Variants in PTPN13 observed in about 807,000 individuals in gnomAD.
The protein encoded by PTPN13 is tyrosine-protein phosphatase non-receptor type 13.
In PTPN13, 191 loss-of-function variants were observed where a neutral mutation model predicts 284.0. The observed-to-expected ratio is 0.67, with a 90% confidence interval of 0.60 to 0.76. PTPN13 has a LOEUF of 0.76. Ranked by LOEUF, PTPN13 falls within the 30% of genes least tolerant of loss-of-function variation. The probability of loss-of-function intolerance (pLI) is 0.00; values close to 1 mark genes in which losing one functional copy is unlikely to be tolerated. For synonymous variants in PTPN13, 986 were observed against 1,022.3 expected, an observed-to-expected ratio of 0.96 and a Z score of 0.68; for missense variants, 2,797 against 2,939.9, an observed-to-expected ratio of 0.95 and a Z score of 1.12.
At chr4:86,759,277 T>A (rs532894891) in intron 23 of PTPN13, among the ~76,000 whole-genome samples, 1 of 152,124 alleles carries the variant, frequency 6.6e-6, no homozygotes, top group Admixed American at 6.6e-5. Flanking sequence ...TACATAATAG[T>A]TATATATAAA....
At chr4:86,658,322 C>G (rs113277116) in intron 2 of PTPN13, among the ~76,000 whole-genome samples, 7,094 of 152,280 alleles carry the variant, frequency 0.047, 222 homozygotes, top group African/African-American at 0.061. Flanking sequence ...CCTGGGATTG[C>G]TGTAGTCAAT....
chr4:86,757,762 CAA>C (rs542129918), intron 20 of PTPN13, among the ~76,000 whole-genome samples: 10 of 112,436 alleles, frequency 8.9e-5, no homozygotes, highest in Admixed American at 9.2e-5. Flanking sequence ...GACTCTGTCT[CAA>C]AAAAAAAAAA....
At position 86,751,064 on chromosome 4, in the gene PTPN13, A is replaced by G. The variant is rs764568055; in HGVS notation, c.3106A>G (p.Arg1036Gly). The G allele has an allele frequency of 1.9e-6, 3 of 1,610,528 alleles. No homozygotes were observed. Among genetic ancestry groups the G allele is most frequent in the East Asian group, 2.2e-5 (1 of 44,828 alleles). Reference sequence around the variant, plus strand: ...TGCGAGTTTAAATAGAAGTCCTGAAAGGAGGAAACATGAATCAGACTCCTC... The same window carrying G: ...TGCGAGTTTAAATAGAAGTCCTGAAGGGAGGAAACATGAATCAGACTCCTC... ...SVASLNRSPERRKHESDSSSI... is the reference protein window; with the variant it reads ...SVASLNRSPEGRKHESDSSSI... The change falls in exon 19 of 48, where the codon AGG (arginine) becomes GGG (glycine). Residue 1036 changes from arginine (R) to glycine (G), a missense_variant. Arg to Gly is a moderately radical substitution (Grantham distance 125). Coordinates refer to ENST00000411767, the MANE Select transcript of PTPN13 (RefSeq NM_080683.3).
chr4:86,734,465 A>T lies in PTPN13; in HGVS notation c.2012+9A>T, dbSNP rs751270512. On this transcript the variant is annotated intron_variant, in intron 13 of 47. Coordinates refer to ENST00000411767, the MANE Select transcript of PTPN13 (RefSeq NM_080683.3). Reference sequence around the variant, plus strand: ...GATGTTAGTCTAATACAGTGAGTACACAAGAGTTTCTCTTTTGCTCTTTTT... The same window carrying T: ...GATGTTAGTCTAATACAGTGAGTACTCAAGAGTTTCTCTTTTGCTCTTTTT... 1.8e-5 allele frequency: 27 copies of T among 1,526,882 alleles called. No individual in the cohort carries two copies. Among genetic ancestry groups the T allele is most frequent in the Admixed American group, 6.5e-5 (3 of 45,854 alleles). 94.6% of individuals were successfully genotyped at this position (1,526,882 alleles called of 1,614,324 possible).
chr4:86,669,374 T>C (rs1727479214), intron 2 of PTPN13, among the ~76,000 whole-genome samples: 1 of 149,634 alleles, frequency 6.7e-6, no homozygotes, highest in South Asian at 2.1e-4. Flanking sequence ...ACATATTGTA[T>C]AAAAGTTGAA....
intron 2 of PTPN13, among the ~76,000 whole-genome samples, chr4:86,649,264 G>A (rs1438861635): frequency 2.6e-5 from 4 of 152,086 alleles, no homozygotes; most frequent in Admixed American, 6.6e-5. Context: ...TGGTTTGGTT[G>A]CCTATACTTC....
chr4:86,601,649 G>A (rs1195421010), intron 1 of PTPN13, among the ~76,000 whole-genome samples: 1 of 152,030 alleles, frequency 6.6e-6, no homozygotes, highest in Non-Finnish European at 1.5e-5. Flanking sequence ...TCTTTTTCAG[G>A]TTTATGTTAG....
chr4:86,752,760 A>T (rs1652920265), intron 19 of PTPN13, among the ~76,000 whole-genome samples: 1 of 152,182 alleles, frequency 6.6e-6, no homozygotes, highest in African/African-American at 2.4e-5. Flanking sequence ...ATCATTTCAT[A>T]TTTGATATAT....
chr4:86,788,157 A>G (rs1742203678), intron 40 of PTPN13, among the ~76,000 whole-genome samples: 2 of 152,178 alleles, frequency 1.3e-5, no homozygotes, highest in Non-Finnish European at 2.9e-5. Flanking sequence ...TTTGTATCTA[A>G]TTCTAGGAAC....
At chr4:86,812,295 G>A (rs1745306476) in intron 47 of PTPN13, among the ~76,000 whole-genome samples, 1 of 127,704 alleles carries the variant, frequency 7.8e-6, no homozygotes, top group African/African-American at 3.1e-5. Flanking sequence ...GGGCGACAGA[G>A]CGAGACTCCG....
chr4:86,600,186 A>G (rs1376245432), intron 1 of PTPN13, among the ~76,000 whole-genome samples: 1 of 152,100 alleles, frequency 6.6e-6, no homozygotes, highest in Admixed American at 6.5e-5. Flanking sequence ...AGAATTCCCA[A>G]TGTTTGGAAG....
intron 1 of PTPN13, among the ~76,000 whole-genome samples, chr4:86,614,111 A>G (rs574178833): frequency 1.3e-5 from 2 of 152,320 alleles, no homozygotes; most frequent in East Asian, 3.9e-4. Context: ...TATAAAATAC[A>G]ATCGAATTTA....
intron 43 of PTPN13, 124 bp downstream of exon 43, chr4:86,803,981 C>T: frequency 2.1e-6 from 2 of 960,984 alleles, no homozygotes; most frequent in Non-Finnish European, 3.1e-6. Context: ...AAAGCACCAC[C>T]TTATCATATC....
Position 86,758,329 on chromosome 4 carries a change from A to C in PTPN13, c.3293A>C (p.Lys1098Thr), listed in dbSNP as rs747489512. 4 of 1,610,636 alleles carry C rather than the reference A, an allele frequency of 2.5e-6. No homozygotes were observed. Among genetic ancestry groups the C allele is most frequent in the Non-Finnish European group, 3.4e-6 (4 of 1,177,798 alleles). The change falls in exon 21 of 48, where the codon AAA becomes ACA. Residue 1098 changes from lysine (K) to threonine (T), a missense_variant. Coordinates refer to ENST00000411767, the MANE Select transcript of PTPN13 (RefSeq NM_080683.3). ...GAGATCACCTTAGTGAACCTGAAAA[A>C]AGATGCAAAGTATGGCTTGGGTAAG... is the stretch of plus-strand genomic sequence containing the variant. ...EREITLVNLKKDAKYGLGFQI... is the reference protein window; with the variant it reads ...EREITLVNLKTDAKYGLGFQI...
chr4:86,737,150 A>T (rs1735610434), intron 15 of PTPN13, among the ~76,000 whole-genome samples: 1 of 152,028 alleles, frequency 6.6e-6, no homozygotes, highest in African/African-American at 2.4e-5. Flanking sequence ...CTGATGTAGG[A>T]TCACTTGAGC....
intron 7 of PTPN13, among the ~76,000 whole-genome samples, chr4:86,713,270 A>G (rs1732643469): frequency 1.3e-5 from 2 of 152,212 alleles, no homozygotes; most frequent in African/African-American, 4.8e-5. Context: ...GTTTTTTTGG[A>G]AAAGTCCCTT....
At position 86,769,920 on chromosome 4, in the gene PTPN13, A is replaced by C; in HGVS notation, c.4641A>C (p.Lys1547Asn). ...FPGQPAAESG[K>N]IDVGDVILKV... is the part of the protein sequence containing the mutation. ...GACAGCCAGCAGCAGAAAGTGGAAA[A>C]ATTGATGTAGGAGATGTTATCTTGA... is the stretch of plus-strand genomic sequence containing the variant. The change falls in exon 29 of 48, where the codon AAA becomes AAC. Residue 1547 changes from lysine (K) to asparagine (N), a missense_variant. Transcript: ENST00000411767. 1 of 1,613,976 alleles carries C rather than the reference A, an allele frequency of 6.2e-7. No individual in the cohort carries two copies.
At chr4:86,641,002 A>C (rs1723721886) in intron 2 of PTPN13, among the ~76,000 whole-genome samples, 1 of 152,180 alleles carries the variant, frequency 6.6e-6, no homozygotes, top group South Asian at 2.1e-4. Flanking sequence ...GCTAATTGGA[A>C]ATTTCTATTT....
chr4:86,601,156 G>A (rs1428474971), intron 1 of PTPN13, among the ~76,000 whole-genome samples: 1 of 151,978 alleles, frequency 6.6e-6, no homozygotes, highest in Non-Finnish European at 1.5e-5. Context: ...TTTTGTAGCT[G>A]TACTTCATGA....
Sources: allele counts gnomAD v4.1 joint callset (sites outside exome capture counted in the v4.1 genomes callset), GRCh38; gene constraint gnomAD v4.1.1; transcripts MANE v1.5; gene names NCBI Gene and HGNC (gene_info 2026-07-23, HGNC 2026-07-21).